REEP3: variants seen among roughly 807,000 people sequenced by gnomAD.
The protein encoded by REEP3 is receptor expression-enhancing protein 3.
REEP3 carries 20 observed loss-of-function variants against 41.3 expected under a neutral mutation model. The ratio of observed to expected loss-of-function variants is 0.48; its 90% confidence interval spans 0.34 to 0.70. The LOEUF (loss-of-function observed/expected upper bound fraction) is 0.70, where lower values mean the gene tolerates loss of function less well. Among genes scored for constraint, REEP3 ranks in the 30% least tolerant of loss-of-function variants. REEP3 has a pLI of 0.01. For missense variants in REEP3, 271 were observed against 308.8 expected (o/e 0.88, Z 0.92); for synonymous variants, 104 against 101.8 (o/e 1.02, Z -0.13).
intron 1 of REEP3, among the ~76,000 whole-genome samples, chr10:63,551,781 G>A (rs986411573): frequency 5.9e-5 from 9 of 152,122 alleles, no homozygotes; most frequent in Non-Finnish European, 1.2e-4. Flanking sequence ...ATCCCAGATG[G>A]GATCCTGGAA....
chr10:63,533,492 G>T (rs1201175377), intron 1 of REEP3, among the ~76,000 whole-genome samples: 1 of 151,848 alleles, frequency 6.6e-6, no homozygotes, highest in Admixed American at 6.6e-5. Context: ...CTTTTTATTT[G>T]CATTATATTT....
chr10:63,586,527 T>C (rs142708887), intron 2 of REEP3, among the ~76,000 whole-genome samples: 1 of 152,294 alleles, frequency 6.6e-6, no homozygotes, highest in African/African-American at 2.4e-5. Flanking sequence ...TCACATTTCT[T>C]TAGTCACAAA....
intron 6 of REEP3, among the ~76,000 whole-genome samples, chr10:63,613,169 G>A (rs1320473321): frequency 2.0e-5 from 3 of 151,936 alleles, no homozygotes; most frequent in East Asian, 3.9e-4. Context: ...GCACCACCAC[G>A]CCTGGCTAAT....
chr10:63,589,976 G>C (rs1331130400), intron 2 of REEP3, among the ~76,000 whole-genome samples: 1 of 151,706 alleles, frequency 6.6e-6, no homozygotes, highest in Non-Finnish European at 1.5e-5. Context: ...TGTATTTTTA[G>C]TAGAGAGGGG....
At chr10:63,576,910 A>T (rs932609435) in intron 2 of REEP3, among the ~76,000 whole-genome samples, 2 of 152,118 alleles carry the variant, frequency 1.3e-5, no homozygotes. Flanking sequence ...ACCTCATTTA[A>T]CCTTAATTAC....
intron 6 of REEP3, among the ~76,000 whole-genome samples, chr10:63,616,240 C>T (rs1458003881): frequency 6.6e-6 from 1 of 152,186 alleles, no homozygotes; most frequent in African/African-American, 2.4e-5. Context: ...AAGGCCTTCT[C>T]TCATAACCCA....
At chr10:63,579,188 C>A (rs993975731) in intron 2 of REEP3, among the ~76,000 whole-genome samples, 1 of 152,038 alleles carries the variant, frequency 6.6e-6, no homozygotes, top group East Asian at 1.9e-4. Context: ...CCCACCACCA[C>A]GCCCAGATAA....
chr10:63,618,172 C>T (rs1956326590), intron 6 of REEP3, among the ~76,000 whole-genome samples: 1 of 150,310 alleles, frequency 6.7e-6, no homozygotes, highest in African/African-American at 2.4e-5. Flanking sequence ...AGTATTTATG[C>T]TCCTTATGCT....
At chr10:63,590,191 T>C (rs1036554390) in intron 2 of REEP3, among the ~76,000 whole-genome samples, 1 of 152,196 alleles carries the variant, frequency 6.6e-6, no homozygotes, top group African/African-American at 2.4e-5. Flanking sequence ...CAGCTTCCCA[T>C]GTAGCTTGAA....
At chr10:63,555,380 CA>C (rs1283755971) in intron 1 of REEP3, among the ~76,000 whole-genome samples, 1 of 152,154 alleles carries the variant, frequency 6.6e-6, no homozygotes, top group Non-Finnish European at 1.5e-5. Context: ...TTTTTAGCAA[CA>C]AATGTATTTT....
intron 3 of REEP3, among the ~76,000 whole-genome samples, chr10:63,595,588 T>C (rs1956106622): frequency 6.6e-6 from 1 of 152,206 alleles, no homozygotes; most frequent in Non-Finnish European, 1.5e-5. Context: ...TTTTTCTTTT[T>C]TTTTTTTATA....
chr10:63,529,311 T>A (rs1955396362), intron 1 of REEP3, among the ~76,000 whole-genome samples: 1 of 152,230 alleles, frequency 6.6e-6, no homozygotes, highest in African/African-American at 2.4e-5. Context: ...TTTGTACTGT[T>A]ACTAAAAACA....
intron 1 of REEP3, chr10:63,521,838 GT>G (rs1320135086): frequency 8.6e-4 from 62 of 72,074 alleles, no homozygotes; most frequent in Admixed American, 4.0e-3. Context: ...GCTCGGCTGC[GT>G]GCGGTGCGGC....
At chr10:63,589,934 A>G (rs1040642650) in intron 2 of REEP3, among the ~76,000 whole-genome samples, 2 of 151,666 alleles carry the variant, frequency 1.3e-5, no homozygotes, top group Non-Finnish European at 2.9e-5. Context: ...AGCTGGGATT[A>G]CAGACACGCA....
intron 1 of REEP3, among the ~76,000 whole-genome samples, chr10:63,552,058 C>T (rs1955633542): frequency 1.3e-5 from 2 of 152,058 alleles, no homozygotes; most frequent in Admixed American, 1.3e-4. Context: ...ATTATTATAT[C>T]TCCTAAATAA....
intron 6 of REEP3, among the ~76,000 whole-genome samples, chr10:63,611,951 A>C (rs1956280366): frequency 6.6e-6 from 1 of 151,644 alleles, no homozygotes. Flanking sequence ...GAAAAAAAAA[A>C]AGAAAAAGAA....
rs1419676067 is a variant in REEP3 at position 63,622,639 on chromosome 10, A to G, written c.*1770A>G. The G allele has an allele frequency of 6.6e-6, 1 of 151,246 alleles. No homozygotes were observed. The highest frequency in any genetic ancestry group is 2.4e-5 in the African/African-American group (1 of 41,086). The allele number at this position is 151,246 out of a possible 1,614,324, so 9.4% of individuals were successfully genotyped here. A position where few individuals can be genotyped will look rare whatever the true frequency, so the allele number is the denominator to read the frequency against. ...TCCTACTCAAAGACAGTATCATCTGAAGTTGCCTAATAAGGTCATGTGAGT... is the reference window on the plus strand; with the variant it reads ...TCCTACTCAAAGACAGTATCATCTGGAGTTGCCTAATAAGGTCATGTGAGT... On this transcript the variant is annotated 3_prime_UTR_variant, in exon 8 of 8. Coordinates refer to ENST00000373758, the MANE Select transcript of REEP3 (RefSeq NM_001001330.3).
At chr10:63,525,171 T>C (rs1024082632) in intron 1 of REEP3, among the ~76,000 whole-genome samples, 1 of 152,152 alleles carries the variant, frequency 6.6e-6, no homozygotes, top group Non-Finnish European at 1.5e-5. Context: ...TATCACTGGA[T>C]TGTTACCAAG....
intron 1 of REEP3, among the ~76,000 whole-genome samples, chr10:63,551,836 A>G (rs1479424335): frequency 6.6e-6 from 1 of 152,192 alleles, no homozygotes; most frequent in Non-Finnish European, 1.5e-5. Flanking sequence ...TGAATAAAGT[A>G]TGGACTTCAA....
Sources: gnomAD v4.1 joint callset for allele counts (sites outside exome capture counted in the v4.1 genomes callset) on GRCh38, gnomAD v4.1.1 for gene constraint, MANE v1.5 for transcripts, NCBI Gene and HGNC (gene_info 2026-07-23, HGNC 2026-07-21) for gene names.